DYSF: variants seen among roughly 807,000 people sequenced by gnomAD.
DYSF encodes the protein dystrophy-associated fer-1-like 1.
Under a neutral mutation model 274.9 loss-of-function variants are expected in DYSF, and 212 were observed. The ratio of observed to expected loss-of-function variants is 0.77; its 90% CI spans 0.69 to 0.86. DYSF has a LOEUF of 0.86. Ranked by LOEUF, DYSF falls within the 40% of genes least tolerant of loss-of-function variation. The pLI is 0.00. For missense variants in DYSF, 2,666 were observed against 2,783.2 expected, an observed-to-expected ratio of 0.96 and a Z score of 0.95; for synonymous variants, 1,091 against 1,078.7, an observed-to-expected ratio of 1.01 and a Z score of -0.22.
intron 41 of DYSF, among the ~76,000 whole-genome samples, chr2:71,627,412 T>C (rs1407269655): frequency 1.3e-5 from 2 of 152,124 alleles, no homozygotes; most frequent in African/African-American, 2.4e-5. Context: ...TATTGATTTC[T>C]AGGTTAACTG....
rs1230889415 is a variant in DYSF, at chr2:71,685,744, G to A, written c.6322-710G>A. On this transcript the variant is annotated intron_variant, in intron 55 of 55. Coordinates refer to ENST00000410020, the MANE Select transcript of DYSF (RefSeq NM_001130987.2). ...CAGGAGGCGTTTGGCGGGGAAGGAG[G>A]GCCGGCTCTGTTTCCAGAGTTGGCT... 2.0e-5 allele frequency among the ~76,000 whole-genome samples: 3 copies of A among 152,338 alleles called. No individual in the cohort carries two copies. The East Asian group carries it at 5.8e-4, about 29-fold the overall frequency.
Position 71,568,089 on chromosome 2 carries a change from A to T in DYSF, c.2697+7A>T. 3 of 1,614,012 alleles carry T rather than the reference A, an allele frequency of 1.9e-6. No homozygotes were observed. The highest frequency in any genetic ancestry group is 2.5e-6 in the Non-Finnish European group (3 of 1,179,998). The stretch of plus-strand genomic sequence containing the variant: ...GTCTGTCTTTGCTGAAACCGTGAGT[A>T]CCTGCCAGCCCCCACCTCTGCCTCC... On this transcript the variant is annotated splice_region_variant and intron_variant, in intron 25 of 55. Transcript: ENST00000410020.
At chr2:71,666,727 G>A (rs1417878495) in intron 47 of DYSF, among the ~76,000 whole-genome samples, 1 of 152,210 alleles carries the variant, frequency 6.6e-6, no homozygotes, top group Admixed American at 6.5e-5. Flanking sequence ...GCCTAGTCAC[G>A]CACCTTTCCT....
At position 71,513,298 on chromosome 2, in the gene DYSF, G is replaced by A. The variant is rs1207570217; in HGVS notation, c.519G>A (p.Thr173=). Residue 173 remains threonine, a synonymous_variant, in exon 6 of 56, where the codon ACG becomes ACA. Coordinates refer to ENST00000410020, the MANE Select transcript of DYSF (RefSeq NM_001130987.2). Reference sequence around the variant, plus strand: ...TGCTCAGTGACAGCACCATGGACACGAGATACTCTGGAAAGAAGTGGCCGG... The same window carrying A: ...TGCTCAGTGACAGCACCATGGACACAAGATACTCTGGAAAGAAGTGGCCGG... ...WSLLSDSTMD[T]RYSGKKWPAP... is the part of the protein sequence containing the mutation. 3.9e-6 allele frequency: 6 copies of A among 1,551,532 alleles called. No homozygotes were observed. The highest frequency in any genetic ancestry group is 1.2e-5 in the South Asian group (1 of 84,060).
chr2:71,680,794 G>A (rs555889771), intron 53 of DYSF, among the ~76,000 whole-genome samples: 103 of 152,348 alleles, frequency 6.8e-4, no homozygotes, highest in African/African-American at 2.2e-3. Context: ...CCATGTAGTG[G>A]AAGTAGGGGT....
Position 71,668,754 on chromosome 2 carries a change from G to T in DYSF, c.5458G>T (p.Gly1820Trp). The stretch of plus-strand genomic sequence containing the variant: ...GAGAGAACGGACCCTGTCTCCGCAG[G>T]GGAAGCTGCAGATGTGGGTCGACCT... ...YSPLQPDIEQGKLQMWVDLFP... is the reference protein window; with the variant it reads ...YSPLQPDIEQWKLQMWVDLFP... Residue 1820 changes from glycine to tryptophan, a missense_variant and splice_region_variant, in exon 49 of 56, where the codon GGG becomes TGG. Physicochemically the swap from Gly to Trp is radical, Grantham distance 184 (BLOSUM62 -2). Around this residue, in one of 3 missense-constraint regions of DYSF, gnomAD observed 1,460 missense variants for 1,502.1 expected, o/e 0.97. Transcript: ENST00000410020. 1 of 1,613,610 alleles carries T rather than the reference G, an allele frequency of 6.2e-7. No individual in the cohort carries two copies. Among genetic ancestry groups the T allele is most frequent in the East Asian group, 2.2e-5 (1 of 44,860 alleles).
At chr2:71,509,670 A>G (rs1406141102) in intron 4 of DYSF, among the ~76,000 whole-genome samples, 2 of 152,032 alleles carry the variant, frequency 1.3e-5, no homozygotes, top group East Asian at 3.8e-4. Flanking sequence ...TGTTACTGTT[A>G]TTATGTATTT....
At chr2:71,571,731 G>GCA (rs1356096464) in intron 29 of DYSF, among the ~76,000 whole-genome samples, 1 of 100,586 alleles carries the variant, frequency 9.9e-6, no homozygotes, top group Non-Finnish European at 1.8e-5. Context: ...ATCACACCCA[G>GCA]CACACACACA....
intron 41 of DYSF, among the ~76,000 whole-genome samples, chr2:71,635,387 A>C (rs1486037934): frequency 2.0e-5 from 3 of 152,214 alleles, no homozygotes; most frequent in Non-Finnish European, 4.4e-5. Flanking sequence ...GTATCCATCA[A>C]ATATTGACAG....
chr2:71,480,910 A>G lies in DYSF; in HGVS notation c.119A>G (p.Lys40Arg). 6.2e-7 allele frequency: 1 copy of G among 1,614,210 alleles called. No homozygotes were observed. The highest frequency in any genetic ancestry group is 8.5e-7 in the Non-Finnish European group (1 of 1,180,016). The change falls in exon 2 of 56, where the codon AAG (lysine) becomes AGG (arginine). Residue 40 changes from lysine (K) to arginine (R), a missense_variant. Physicochemically the swap from Lys to Arg is conservative, Grantham distance 26. Coordinates refer to ENST00000410020, the MANE Select transcript of DYSF (RefSeq NM_001130987.2). ...RGVKKRTKVIKNSVNPVWNEG... is the reference protein window; with the variant it reads ...RGVKKRTKVIRNSVNPVWNEG... ...GTGAAGAAGAGAACCAAAGTCATCA[A>G]GAACAGCGTGAACCCTGTATGGAAT...
intron 41 of DYSF, among the ~76,000 whole-genome samples, chr2:71,637,097 A>G (rs1436429062): frequency 6.6e-6 from 1 of 152,228 alleles, no homozygotes; most frequent in Admixed American, 6.5e-5. Context: ...TTTTCTATAA[A>G]GGGGCGAAGG....
At chr2:71,539,993 T>C (rs1395138492) in intron 17 of DYSF, among the ~76,000 whole-genome samples, 4 of 152,006 alleles carry the variant, frequency 2.6e-5, no homozygotes, top group African/African-American at 7.3e-5. Context: ...TTCCACATTA[T>C]AAGCAACTAA....
At chr2:71,570,534 G>T (rs1354408418) in intron 28 of DYSF, 65 bp from the exon 29 acceptor site, 1 of 1,598,200 alleles carries the variant, frequency 6.3e-7, no homozygotes, top group African/African-American at 1.3e-5. Context: ...CCCAAATTCA[G>T]AGATGGTCCC....
intron 42 of DYSF, among the ~76,000 whole-genome samples, chr2:71,649,563 A>C (rs1187849338): frequency 2.6e-5 from 4 of 152,218 alleles, no homozygotes; most frequent in African/African-American, 7.2e-5. Context: ...ACTAAGTATT[A>C]TCAGAATATA....
In DYSF at chr2:71,642,254, C is replaced by G. The variant is rs141197462; in HGVS notation, c.4528-1711C>G. Among the ~76,000 whole-genome samples, 5 of 152,304 alleles carry G rather than the reference C, an allele frequency of 3.3e-5. No homozygotes were observed. In the East Asian group the frequency reaches 9.6e-4, roughly 29 times the overall value. ...CTCAACAGCTAAATTGGATTCCATT[C>G]TAACCATTTCTACCTAAGTGTCCAT... On this transcript the variant is annotated intron_variant, in intron 41 of 55. Coordinates refer to ENST00000410020, the MANE Select transcript of DYSF (RefSeq NM_001130987.2).
chr2:71,491,407 CTTTA>C (rs1221285065), intron 3 of DYSF, among the ~76,000 whole-genome samples: 3 of 152,230 alleles, frequency 2.0e-5, no homozygotes, highest in Admixed American at 6.5e-5. Context: ...GCACACAGAC[CTTTA>C]TTTGTTTGTT....
intron 41 of DYSF, among the ~76,000 whole-genome samples, chr2:71,621,416 A>T (rs910540335): frequency 2.6e-5 from 4 of 152,196 alleles, no homozygotes; most frequent in African/African-American, 9.6e-5. Context: ...GAAAACACAA[A>T]AAGTGTCAAG....
At chr2:71,611,809 G>A (rs2093768774) in intron 38 of DYSF, among the ~76,000 whole-genome samples, 183 bp downstream of exon 38, 1 of 152,212 alleles carries the variant, frequency 6.6e-6, no homozygotes, top group African/African-American at 2.4e-5. Context: ...AGGCCTCTGA[G>A]TAGGACAAAC....
intron 24 of DYSF, among the ~76,000 whole-genome samples, chr2:71,566,730 GACAGCCGAAGCGA>G (rs1165549654): frequency 1.3e-5 from 2 of 152,222 alleles, no homozygotes; most frequent in Admixed American, 6.5e-5. Flanking sequence ...CGGGGGAGAG[GACAGCCGAAGCGA>G]ACAGCCATGG....
Sources: allele counts gnomAD v4.1 joint callset (sites outside exome capture counted in the v4.1 genomes callset), GRCh38; gene constraint gnomAD v4.1.1; regional missense constraint gnomAD v4.1.1; transcripts MANE v1.5; gene names NCBI Gene and HGNC (gene_info 2026-07-23, HGNC 2026-07-21).